The following NTF3 variants were observed in gnomAD, a reference collection of about 807,000 sequenced individuals.
The protein encoded by NTF3 is neurotrophin 3, also known as neurotrophin-3.
NTF3 carries 8 observed loss-of-function variants against 26.3 expected under a neutral mutation model. The observed-to-expected ratio is 0.30, with a 90% CI of 0.18 to 0.55. The LOEUF (loss-of-function observed/expected upper bound fraction) is 0.55. Ranked by LOEUF, NTF3 falls within the 20% of genes least tolerant of loss-of-function variation. The pLI, the probability that NTF3 is intolerant of heterozygous loss-of-function variation, is 0.93. For missense variants in NTF3, 276 were observed against 352.9 expected, an observed-to-expected ratio of 0.78 and a Z score of 1.75; for synonymous variants, 154 against 145.5, an observed-to-expected ratio of 1.06 and a Z score of -0.42.
At chr12:5,437,136 G>T (rs1165082237) in intron 1 of NTF3, among the ~76,000 whole-genome samples, 5 of 152,318 alleles carry the variant, frequency 3.3e-5, no homozygotes, top group African/African-American at 1.2e-4. Flanking sequence ...AGTCGTAGAG[G>T]GGCATGGAAA....
intron 1 of NTF3, among the ~76,000 whole-genome samples, chr12:5,470,586 C>G (rs1432738703): frequency 6.6e-6 from 1 of 152,210 alleles, no homozygotes; most frequent in Non-Finnish European, 1.5e-5. Context: ...ACCTCTTCTT[C>G]CCATGGCTGC....
chr12:5,463,324 A>C (rs1026647452), intron 1 of NTF3, among the ~76,000 whole-genome samples: 24 of 152,230 alleles, frequency 1.6e-4, no homozygotes, highest in African/African-American at 5.5e-4. Flanking sequence ...GTATAAACAT[A>C]ATCTCTGCCC....
chr12:5,456,177 G>A lies in NTF3; in HGVS notation c.18+23835G>A, dbSNP rs1371285612. On this transcript the variant is annotated intron_variant, in intron 1 of 1. Transcript: ENST00000423158. This position sits in a 1 kb window ranked among gnomAD's most constrained non-coding sequence, Gnocchi z 4.4. The stretch of plus-strand genomic sequence containing the variant: ...GGCTGGGATGGTTCTTAGTGGTACA[G>A]GATGCACTGCAAGCTTTAAATGCGA... Among the ~76,000 whole-genome samples, 2 of 152,166 alleles carry A rather than the reference G, an allele frequency of 1.3e-5. No individual in the cohort carries two copies. The highest frequency in any genetic ancestry group is 3.9e-4 in the East Asian group (2 of 5,192).
intron 1 of NTF3, among the ~76,000 whole-genome samples, chr12:5,452,942 G>A (rs1036453928): frequency 9.8e-5 from 15 of 152,296 alleles, no homozygotes; most frequent in African/African-American, 1.9e-4. Flanking sequence ...GGAAAGAACC[G>A]TAAGGCAGAA....
intron 1 of NTF3, among the ~76,000 whole-genome samples, chr12:5,486,561 T>C (rs1940867695): frequency 6.6e-6 from 1 of 152,222 alleles, no homozygotes; most frequent in African/African-American, 2.4e-5. Context: ...AGACAACGTA[T>C]ACACTAGACC....
intron 1 of NTF3, among the ~76,000 whole-genome samples, chr12:5,482,446 T>A (rs958588958): frequency 3.9e-5 from 6 of 152,196 alleles, no homozygotes; most frequent in Admixed American, 6.5e-5. Context: ...GCATGTTCAC[T>A]TCCCTGGCAG....
intron 1 of NTF3, among the ~76,000 whole-genome samples, chr12:5,441,923 C>T (rs1189408645): frequency 6.6e-6 from 1 of 152,232 alleles, no homozygotes; most frequent in East Asian, 1.9e-4. Flanking sequence ...AGTTCTCCTG[C>T]AAATTGGGGC....
At chr12:5,453,144 A>G (rs1407397218) in intron 1 of NTF3, among the ~76,000 whole-genome samples, 1 of 152,262 alleles carries the variant, frequency 6.6e-6, no homozygotes, top group African/African-American at 2.4e-5. Context: ...TGCCTGGCAT[A>G]TATGAAGCAT....
At chr12:5,489,806 A>G (rs1272566608) in intron 1 of NTF3, among the ~76,000 whole-genome samples, 1 of 152,044 alleles carries the variant, frequency 6.6e-6, no homozygotes, top group Non-Finnish European at 1.5e-5. Context: ...GCCACTGTCT[A>G]CCTCAGCTTC....
At chr12:5,441,954 G>T (rs1940243205) in intron 1 of NTF3, among the ~76,000 whole-genome samples, 1 of 152,190 alleles carries the variant, frequency 6.6e-6, no homozygotes, top group Non-Finnish European at 1.5e-5. Context: ...AGGGAATCGG[G>T]TGTCATTGCA....
At chr12:5,441,996 C>T (rs534893744) in intron 1 of NTF3, among the ~76,000 whole-genome samples, 9 of 152,286 alleles carry the variant, frequency 5.9e-5, no homozygotes, top group Admixed American at 2.6e-4. Context: ...GTTAGACACT[C>T]GGAAAGCAAC....
chr12:5,479,149 A>C (rs965065708), intron 1 of NTF3, among the ~76,000 whole-genome samples: 6 of 152,210 alleles, frequency 3.9e-5, no homozygotes, highest in African/African-American at 1.4e-4. Context: ...AACTTGTTTC[A>C]TCTCCAGAAT....
intron 1 of NTF3, among the ~76,000 whole-genome samples, chr12:5,491,393 C>T (rs905999169): frequency 1.3e-5 from 2 of 152,202 alleles, no homozygotes; most frequent in Non-Finnish European, 2.9e-5. Flanking sequence ...GACTTACTCC[C>T]ACTACTTATT....
At chr12:5,477,462 G>A (rs1940738674) in intron 1 of NTF3, among the ~76,000 whole-genome samples, 1 of 152,188 alleles carries the variant, frequency 6.6e-6, no homozygotes, top group Non-Finnish European at 1.5e-5. Context: ...TAATTTTGCA[G>A]TGGAAATATT....
chr12:5,484,264 A>T (rs1393153116), intron 1 of NTF3, among the ~76,000 whole-genome samples: 1 of 152,154 alleles, frequency 6.6e-6, no homozygotes, highest in African/African-American at 2.4e-5. Context: ...ATCCTAATAG[A>T]GTTGGATGCC....
intron 1 of NTF3, among the ~76,000 whole-genome samples, chr12:5,434,634 T>C (rs1384937371): frequency 6.6e-6 from 1 of 151,862 alleles, no homozygotes; most frequent in African/African-American, 2.4e-5. Context: ...GGAACATAGG[T>C]GTAGCTAATG....
At chr12:5,487,143 G>A (rs1940876551) in intron 1 of NTF3, among the ~76,000 whole-genome samples, 1 of 152,178 alleles carries the variant, frequency 6.6e-6, no homozygotes, top group African/African-American at 2.4e-5. Flanking sequence ...GCTTGTGTCG[G>A]CATACCAAGC....
intron 1 of NTF3, among the ~76,000 whole-genome samples, chr12:5,458,912 C>T (rs1184241211): frequency 6.6e-6 from 1 of 152,188 alleles, no homozygotes; most frequent in African/African-American, 2.4e-5. Context: ...GACAACCTTG[C>T]TCACTCACAT....
chr12:5,451,848 C>G (rs1940376958), intron 1 of NTF3, among the ~76,000 whole-genome samples: 1 of 152,130 alleles, frequency 6.6e-6, no homozygotes, highest in Admixed American at 6.5e-5. Context: ...CATGCATCAC[C>G]ATTCCTGGCT....
Sources: gnomAD v4.1 joint callset for allele counts (sites outside exome capture counted in the v4.1 genomes callset) on GRCh38, gnomAD v4.1.1 for gene constraint, Gnocchi (gnomAD v3.1) non-coding constraint, MANE v1.5 for transcripts, NCBI Gene and HGNC (gene_info 2026-07-23, HGNC 2026-07-21) for gene names.